Variants in S100A8 observed in about 807,000 individuals in gnomAD.
S100A8 encodes protein S100-A8.
S100A8 carries 1 observed loss-of-function variant against 4.2 expected under a neutral mutation model. That is an observed-to-expected ratio of 0.24 (90% CI 0.08 to 1.12). The LOEUF is 1.12. S100A8 is among the 50% of genes most tolerant of loss of function. The pLI, the probability that S100A8 is intolerant of heterozygous loss-of-function variation, is 0.53. For missense variants in S100A8, 96 were observed against 111.8 expected (o/e 0.86, Z 0.64); for synonymous variants, 41 against 44.7 (o/e 0.92, Z 0.33).
chr1:153,402,579 C>T, the S100A8 span, among the ~76,000 whole-genome samples: 29 of 152,194 alleles, frequency 1.9e-4, no homozygotes, highest in African/African-American at 5.3e-4. Context: ...GACAAGCCAA[C>T]GAGGACTTTG....
At chr1:153,391,547 G>A (rs1014508835), upstream of S100A8, among the ~76,000 whole-genome samples, 5 of 152,198 alleles carry the variant, frequency 3.3e-5, no homozygotes, top group South Asian at 6.2e-4. Context: ...GAGAACACGT[G>A]TCCTGGCTGA....
chr1:153,412,129 A>C, the S100A8 span, among the ~76,000 whole-genome samples: 1 of 152,240 alleles, frequency 6.6e-6, no homozygotes, highest in Non-Finnish European at 1.5e-5. Context: ...CAAAATTGAC[A>C]AATGGGATCT....
upstream of S100A8, among the ~76,000 whole-genome samples, chr1:153,395,649 C>T (rs1368836505): frequency 1.3e-5 from 2 of 152,204 alleles, no homozygotes; most frequent in African/African-American, 2.4e-5. Context: ...GCCCTCGCCC[C>T]TTCCCCACAC....
At chr1:153,395,798 G>C (rs1662198164), upstream of S100A8, among the ~76,000 whole-genome samples, 1 of 152,180 alleles carries the variant, frequency 6.6e-6, no homozygotes, top group South Asian at 2.1e-4. Flanking sequence ...TAATTTCCAA[G>C]CAAAATTTCT....
At chr1:153,415,172 TTGTGTGTGTGTGCGTGTGTGTG>T in the S100A8 span, among the ~76,000 whole-genome samples, 1 of 150,918 alleles carries the variant, frequency 6.6e-6, no homozygotes, top group East Asian at 1.9e-4. Context: ...GTGTGTGTGT[TTGTGTGTGTGTGCGTGTGTGTG>T]TGTGTGTGTA....
chr1:153,417,449 C>T, the S100A8 span, among the ~76,000 whole-genome samples: 1 of 152,108 alleles, frequency 6.6e-6, no homozygotes, highest in Non-Finnish European at 1.5e-5. Context: ...GTTTCTCATT[C>T]CCAAGGGAAT....
the S100A8 span, among the ~76,000 whole-genome samples, chr1:153,409,721 A>G: frequency 2.0e-5 from 3 of 152,240 alleles, no homozygotes. Flanking sequence ...ATTACCACAT[A>G]GTTGCAAGTA....
chr1:153,419,522 A>C, the S100A8 span: 3 of 601,168 alleles, frequency 5.0e-6, no homozygotes. Context: ...GGCCTCCAGC[A>C]GAGCTGATCT....
the S100A8 span, among the ~76,000 whole-genome samples, chr1:153,401,769 G>A: frequency 2.0e-5 from 3 of 152,166 alleles, no homozygotes; most frequent in East Asian, 3.9e-4. Flanking sequence ...CTAAGAGGGC[G>A]GTGAGGTGGT....
chr1:153,406,095 A>G, the S100A8 span, among the ~76,000 whole-genome samples: 1 of 152,128 alleles, frequency 6.6e-6, no homozygotes, highest in East Asian at 1.9e-4. Flanking sequence ...TCTATGGCCT[A>G]TTGAAAGGAT....
the S100A8 span, among the ~76,000 whole-genome samples, chr1:153,403,219 T>C: frequency 6.6e-6 from 1 of 152,212 alleles, no homozygotes; most frequent in Non-Finnish European, 1.5e-5. Flanking sequence ...TAGTTTTAGC[T>C]CTTATGTGTA....
At chr1:153,413,817 C>G in the S100A8 span, among the ~76,000 whole-genome samples, 1 of 152,198 alleles carries the variant, frequency 6.6e-6, no homozygotes, top group East Asian at 1.9e-4. Flanking sequence ...AGGAGAATCG[C>G]TTGAACCTAG....
At chr1:153,419,578 A>C in the S100A8 span, 13 of 431,680 alleles carry the variant, frequency 3.0e-5, no homozygotes, top group East Asian at 7.5e-5. Context: ...CGTTCCCTAA[A>C]TGCAGCCACC....
the S100A8 span, chr1:153,418,061 T>C: frequency 1.2e-6 from 2 of 1,613,418 alleles, no homozygotes; most frequent in East Asian, 2.2e-5. Context: ...CTTTATTTCC[T>C]GAAGGCTTTT....
At chr1:153,413,565 G>A in the S100A8 span, among the ~76,000 whole-genome samples, 2 of 152,146 alleles carry the variant, frequency 1.3e-5, no homozygotes. Context: ...TTATTTCAAT[G>A]TTTGCTTTGT....
chr1:153,408,080 G>GC, the S100A8 span, among the ~76,000 whole-genome samples: 1 of 152,178 alleles, frequency 6.6e-6, no homozygotes, highest in Non-Finnish European at 1.5e-5. Context: ...CCAAAGGAAC[G>GC]CAGCTCCTCA....
chr1:153,391,646 T>A (rs1260721142), upstream of S100A8, among the ~76,000 whole-genome samples: 1 of 152,056 alleles, frequency 6.6e-6, no homozygotes, highest in African/African-American at 2.4e-5. Flanking sequence ...TGTGGGGAAA[T>A]GTGTTGTTGC....
chr1:153,406,002 C>A, the S100A8 span, among the ~76,000 whole-genome samples: 1 of 152,140 alleles, frequency 6.6e-6, no homozygotes, highest in African/African-American at 2.4e-5. Flanking sequence ...CCCAGAAGGA[C>A]CCCAAACAGA....
chr1:153,392,128 G>A (rs1411894514), upstream of S100A8, among the ~76,000 whole-genome samples: 1 of 152,050 alleles, frequency 6.6e-6, no homozygotes, highest in East Asian at 1.9e-4. Context: ...GAATATAAAA[G>A]AATCCCTACA....
Sources: gnomAD v4.1 joint callset for allele counts (sites outside exome capture counted in the v4.1 genomes callset) on GRCh38, gnomAD v4.1.1 for gene constraint, MANE v1.5 for transcripts, NCBI Gene and HGNC (gene_info 2026-07-23, HGNC 2026-07-21) for gene names.